ACOT1: variants seen among roughly 807,000 people sequenced by gnomAD.
ACOT1 encodes acyl-CoA thioesterase 1.
Under a neutral mutation model 15.7 loss-of-function variants are expected in ACOT1, and 8 were observed. The ratio of observed to expected loss-of-function variants is 0.51; its 90% CI spans 0.30 to 0.92. The LOEUF (loss-of-function observed/expected upper bound fraction) is 0.92, where lower values mean the gene tolerates loss of function less well. ACOT1 is among the 40% of genes least tolerant of loss of function. The pLI, the probability that ACOT1 is intolerant of heterozygous loss-of-function variation, is 0.06. For synonymous variants in ACOT1, 67 were observed against 241.2 expected (o/e 0.28, Z 6.69); for missense variants, 151 against 539.4 (o/e 0.28, Z 7.13).
the ACOT1 span, chr14:73,491,721 A>T: frequency 1.3e-6 from 2 of 1,551,464 alleles, no homozygotes; most frequent in East Asian, 4.9e-5. Flanking sequence ...CGGCAGGACC[A>T]CACCTACTAC....
chr14:73,529,354 CA>C, the ACOT1 span, among the ~76,000 whole-genome samples: 3,679 of 87,312 alleles, frequency 0.042, 216 homozygotes, highest in East Asian at 0.41. Context: ...GACTCTGTCT[CA>C]AAAAAAAAAA....
At chr14:73,508,492 T>C in the ACOT1 span, among the ~76,000 whole-genome samples, 1 of 152,126 alleles carries the variant, frequency 6.6e-6, no homozygotes, top group Non-Finnish European at 1.5e-5. Context: ...CTAACACCTG[T>C]AGTCCTCACA....
the ACOT1 span, among the ~76,000 whole-genome samples, chr14:73,506,804 G>GTTTTTTTTTT: frequency 5.4e-3 from 435 of 80,464 alleles, 78 homozygotes; most frequent in East Asian, 0.03. Flanking sequence ...GACTTTAACT[G>GTTTTTTTTTT]TTTTTTTTTT....
chr14:73,516,140 C>A, the ACOT1 span, among the ~76,000 whole-genome samples: 1 of 36,028 alleles, frequency 2.8e-5, no homozygotes, highest in Non-Finnish European at 3.8e-5. Context: ...TCCACATCAA[C>A]AGTCATCAAA....
At chr14:73,496,127 C>T in the ACOT1 span, among the ~76,000 whole-genome samples, 2 of 151,870 alleles carry the variant, frequency 1.3e-5, no homozygotes, top group African/African-American at 4.8e-5. Context: ...GAGACTGTCC[C>T]CCCCTCAAAA....
At chr14:73,498,111 T>A in the ACOT1 span, 1 of 1,533,100 alleles carries the variant, frequency 6.5e-7, no homozygotes, top group Admixed American at 1.8e-5. Context: ...ATGTGAGAGT[T>A]GGCAGTATAA....
chr14:73,512,156 C>G, the ACOT1 span: 16 of 1,613,924 alleles, frequency 9.9e-6, no homozygotes, highest in Admixed American at 1.7e-4. Flanking sequence ...ATGACTGAGC[C>G]GCAGTGAGGG....
rs1431929302 is a variant in ACOT1 at position 73,538,676 on chromosome 14, A to C, written c.457+798A>C. Among the ~76,000 whole-genome samples, 3 of 111,200 alleles carry C rather than the reference A, an allele frequency of 2.7e-5. 1 individual carries two copies. Among genetic ancestry groups the C allele is most frequent in the African/African-American group, 8.8e-5 (3 of 34,114 alleles). The allele number at this position is 111,200 out of a possible 152,430, so 73.0% of individuals were successfully genotyped here. On this transcript the variant is annotated intron_variant, in intron 1 of 2. Coordinates refer to ENST00000311148, the MANE Select transcript of ACOT1 (RefSeq NM_001037161.2). Reference sequence around the variant, plus strand: ...AAGACACATAATATTAAAAACAAACAAAACAAAACAAAAAAAACAGGCCGG... The same window carrying C: ...AAGACACATAATATTAAAAACAAACCAAACAAAACAAAAAAAACAGGCCGG...
At chr14:73,534,598 A>T (rs191952505), upstream of ACOT1, among the ~76,000 whole-genome samples, 18 of 108,808 alleles carry the variant, frequency 1.7e-4, 4 homozygotes, top group Middle Eastern at 5.1e-3. Context: ...CTGAGGTGGG[A>T]GAACTGTCTA....
At chr14:73,521,790 T>G in the ACOT1 span, among the ~76,000 whole-genome samples, 1 of 152,160 alleles carries the variant, frequency 6.6e-6, no homozygotes, top group Admixed American at 6.6e-5. Flanking sequence ...CAAACCTCGG[T>G]GCTATGAGGT....
rs1255809473 is a variant in ACOT1 at position 73,542,606 on chromosome 14, A to T, written c.661-444A>T. Among the ~76,000 whole-genome samples the T allele has an allele frequency of 2.8e-5, 3 of 107,464 alleles. 1 individual carries two copies. Among genetic ancestry groups the T allele is most frequent in the African/African-American group, 9.5e-5 (3 of 31,570 alleles). The allele number at this position is 107,464 out of a possible 152,430, so 70.5% of individuals were successfully genotyped here. The stretch of plus-strand genomic sequence containing the variant: ...TTTTTAGTAGAGACAGGGTTTCACC[A>T]TATTGGCCAGGCTGGTCTCGAACTC... On this transcript the variant is annotated intron_variant, in intron 2 of 2. Coordinates refer to ENST00000311148, the MANE Select transcript of ACOT1 (RefSeq NM_001037161.2).
At chr14:73,520,818 G>A in the ACOT1 span, 17 of 1,575,608 alleles carry the variant, frequency 1.1e-5, no homozygotes, top group East Asian at 1.3e-4. Flanking sequence ...CCATGTCCCC[G>A]TGTGCCCCTA....
At chr14:73,538,076 C>T (rs1888939825) in intron 1 of ACOT1, among the ~76,000 whole-genome samples, 198 bp downstream of exon 1, 1 of 113,890 alleles carries the variant, frequency 8.8e-6, no homozygotes, top group Non-Finnish European at 1.9e-5. Context: ...ATCCTCCCGC[C>T]TCTGCCTCCC....
chr14:73,526,895 T>G, the ACOT1 span, among the ~76,000 whole-genome samples: 1 of 151,424 alleles, frequency 6.6e-6, no homozygotes, highest in Non-Finnish European at 1.5e-5. Context: ...GCCATGGGAG[T>G]GCTCATGTCA....
chr14:73,509,947 CACTGCAA>C, the ACOT1 span, among the ~76,000 whole-genome samples: 27 of 148,102 alleles, frequency 1.8e-4, no homozygotes, highest in Admixed American at 5.5e-4. Flanking sequence ...GATCTCAGCT[CACTGCAA>C]GCTCCGCCTC....
chr14:73,499,353 C>T, the ACOT1 span, among the ~76,000 whole-genome samples: 30 of 152,176 alleles, frequency 2.0e-4, 1 homozygote, highest in African/African-American at 5.5e-4. Context: ...TGGTGTCACA[C>T]GCCTGTAATC....
chr14:73,526,037 G>C, the ACOT1 span, among the ~76,000 whole-genome samples: 2 of 151,984 alleles, frequency 1.3e-5, no homozygotes, highest in Non-Finnish European at 2.9e-5. Context: ...GTATCAAGAA[G>C]AGGCACTGAA....
the ACOT1 span, chr14:73,509,591 A>G: frequency 2.6e-5 from 24 of 937,724 alleles, no homozygotes; most frequent in African/African-American, 3.8e-4. Flanking sequence ...GCTTAGTGCT[A>G]TGTAATATAA....
the ACOT1 span, among the ~76,000 whole-genome samples, chr14:73,494,836 C>G: frequency 6.6e-6 from 1 of 152,284 alleles, no homozygotes; most frequent in African/African-American, 2.4e-5. Context: ...ACTGAGAGTC[C>G]AGGTGTGCGC....
Sources: gnomAD v4.1 joint callset for allele counts (sites outside exome capture counted in the v4.1 genomes callset) on GRCh38, gnomAD v4.1.1 for gene constraint, MANE v1.5 for transcripts, NCBI Gene and HGNC (gene_info 2026-07-23, HGNC 2026-07-21) for gene names.